PLCL2: variants seen among roughly 807,000 people sequenced by gnomAD.
The protein encoded by PLCL2 is phospholipase C like 2.
Under a neutral mutation model 79.6 loss-of-function variants are expected in PLCL2, and 4 were observed. The ratio of observed to expected loss-of-function variants is 0.05; its 90% CI spans 0.02 to 0.11. The LOEUF (loss-of-function observed/expected upper bound fraction) is 0.11, where lower values mean the gene tolerates loss of function less well. PLCL2 is among the 10% of genes least tolerant of loss of function. The pLI is 1.00. For synonymous variants in PLCL2, 484 were observed against 457.7 expected (o/e 1.06, Z -0.73); for missense variants, 895 against 1,291.0 (o/e 0.69, Z 4.70).
At chr3:17,057,154 A>G (rs776090554) in intron 4 of PLCL2, among the ~76,000 whole-genome samples, 9 of 152,168 alleles carry the variant, frequency 5.9e-5, no homozygotes, top group Non-Finnish European at 8.8e-5. Flanking sequence ...TAATTCATGC[A>G]ACACTAGTCA....
chr3:16,958,096 G>A (rs544664789), intron 1 of PLCL2, among the ~76,000 whole-genome samples: 330 of 152,232 alleles, frequency 2.2e-3, no homozygotes, highest in Non-Finnish European at 3.7e-3. Flanking sequence ...TATTGTGCTC[G>A]TTAGTTGATG....
chr3:17,083,034 C>T (rs1475525447), intron 5 of PLCL2, among the ~76,000 whole-genome samples: 3 of 152,036 alleles, frequency 2.0e-5, no homozygotes, highest in Non-Finnish European at 4.4e-5. Flanking sequence ...CTGTTCTAGG[C>T]TCTGAGGATA....
At chr3:17,080,746 C>T (rs984181507) in intron 5 of PLCL2, among the ~76,000 whole-genome samples, 9 of 152,336 alleles carry the variant, frequency 5.9e-5, no homozygotes, top group African/African-American at 2.2e-4. Flanking sequence ...CCACCACACC[C>T]GTTTCATTCT....
chr3:17,070,829 G>A (rs1453526349), intron 5 of PLCL2, among the ~76,000 whole-genome samples: 1 of 152,138 alleles, frequency 6.6e-6, no homozygotes, highest in Non-Finnish European at 1.5e-5. Context: ...GAGGCTCCCA[G>A]TAGCACAAAT....
At chr3:16,890,467 A>G (rs1696320014) in intron 1 of PLCL2, among the ~76,000 whole-genome samples, 2 of 152,240 alleles carry the variant, frequency 1.3e-5, no homozygotes, top group Admixed American at 1.3e-4. Flanking sequence ...CCAGGCTTCA[A>G]TATTCAACAA....
chr3:17,009,642 T>A lies in PLCL2; in HGVS notation c.328-32T>A. The A allele has an allele frequency of 8.7e-7, 1 of 1,143,264 alleles. No homozygotes were observed. Among genetic ancestry groups the A allele is most frequent in the Non-Finnish European group, 1.2e-6 (1 of 802,734 alleles). 70.8% of individuals were successfully genotyped at this position (1,143,264 alleles called of 1,614,324 possible). A position where few individuals can be genotyped will look rare whatever the true frequency, so the allele number is the denominator to read the frequency against. The stretch of plus-strand genomic sequence containing the variant: ...TGAACATAGAAACCTATATTTATGT[T>A]ATTCTAATATACGGTCTTTTTTTCC... On this transcript the variant is annotated intron_variant, in intron 1 of 5. Transcript: ENST00000615277. The surrounding 1 kb of genome is among the most constrained non-coding windows in gnomAD (Gnocchi z 4.0).
chr3:17,036,055 C>T lies in PLCL2; in HGVS notation c.3019-6819C>T, dbSNP rs370073583. ...AACCTAGGACAAGTTACTCTGGAAA[C>T]GGTTTGTTATTTAGAAAGTGTTTTC... is the stretch of plus-strand genomic sequence containing the variant. On this transcript the variant is annotated intron_variant, in intron 3 of 5. Coordinates refer to ENST00000615277, the MANE Select transcript of PLCL2 (RefSeq NM_001144382.2). Among the ~76,000 whole-genome samples the T allele has an allele frequency of 1.1e-4, 16 of 152,120 alleles. 1 individual carries two copies. In the East Asian group the frequency reaches 1.7e-3, roughly 17 times the overall value.
intron 3 of PLCL2, among the ~76,000 whole-genome samples, chr3:17,041,184 G>A (rs1390979182): frequency 1.3e-5 from 2 of 152,120 alleles, no homozygotes; most frequent in Admixed American, 6.6e-5. Flanking sequence ...TGTTCAATAC[G>A]TCAAGCTGTA....
chr3:17,025,876 C>G (rs149647585), intron 3 of PLCL2, among the ~76,000 whole-genome samples: 3 of 152,046 alleles, frequency 2.0e-5, no homozygotes, highest in Admixed American at 2.0e-4. Flanking sequence ...TCAGCATTGC[C>G]TCTCATTTTC....
At chr3:17,017,557 T>A (rs982710247) in intron 3 of PLCL2, among the ~76,000 whole-genome samples, 10 of 152,146 alleles carry the variant, frequency 6.6e-5, no homozygotes, top group Admixed American at 2.6e-4. Context: ...TAAATATAGC[T>A]CTTTATTTTT....
intron 1 of PLCL2, among the ~76,000 whole-genome samples, chr3:16,950,393 T>A (rs1249250920): frequency 1.3e-5 from 2 of 152,194 alleles, no homozygotes; most frequent in Non-Finnish European, 2.9e-5. Flanking sequence ...CTAAGTTTTT[T>A]AAATTGGTGT....
chr3:17,087,761 T>G (rs1369487554), intron 5 of PLCL2, among the ~76,000 whole-genome samples: 1 of 152,158 alleles, frequency 6.6e-6, no homozygotes, highest in Non-Finnish European at 1.5e-5. Context: ...GTAAGGGAAC[T>G]CTCTGTGGTT....
intron 1 of PLCL2, among the ~76,000 whole-genome samples, chr3:16,961,600 C>T (rs1423793283): frequency 1.3e-5 from 2 of 152,038 alleles, no homozygotes; most frequent in African/African-American, 4.8e-5. Flanking sequence ...GGAATGGGGT[C>T]CAGGGCACAG....
chr3:17,029,371 A>G (rs1276439920), intron 3 of PLCL2, among the ~76,000 whole-genome samples: 2 of 150,868 alleles, frequency 1.3e-5, no homozygotes, highest in African/African-American at 4.9e-5. Flanking sequence ...AAGAAAAAAA[A>G]AAACAACTGT....
intron 1 of PLCL2, among the ~76,000 whole-genome samples, chr3:16,891,080 G>A (rs768008325): frequency 7.2e-5 from 11 of 152,308 alleles, no homozygotes; most frequent in South Asian, 2.1e-4. Context: ...CAGCTGGGCT[G>A]CATCCTGTGG....
At chr3:16,903,848 C>T (rs1381301179) in intron 1 of PLCL2, among the ~76,000 whole-genome samples, 1 of 152,222 alleles carries the variant, frequency 6.6e-6, no homozygotes, top group Non-Finnish European at 1.5e-5. Flanking sequence ...AGGTTGCTGA[C>T]ATTTCTTCTA....
chr3:16,929,323 T>C (rs1697340786), intron 1 of PLCL2, among the ~76,000 whole-genome samples: 1 of 152,102 alleles, frequency 6.6e-6, no homozygotes, highest in Non-Finnish European at 1.5e-5. Context: ...TAGTGGACCA[T>C]TTTGACCTTC....
intron 1 of PLCL2, among the ~76,000 whole-genome samples, chr3:17,008,357 T>C (rs1297648132): frequency 6.6e-6 from 1 of 151,112 alleles, no homozygotes; most frequent in Non-Finnish European, 1.5e-5. Context: ...GGAATTCCCA[T>C]TTAACAGTTA....
intron 5 of PLCL2, among the ~76,000 whole-genome samples, chr3:17,082,187 C>A (rs6778725): frequency 0.83 from 120,060 of 145,044 alleles, 50,204 homozygotes; most frequent in African/African-American, 0.94. Flanking sequence ...CTTGTTGCCC[C>A]GGCTGGAGTG....
Sources: gnomAD v4.1 joint callset for allele counts (sites outside exome capture counted in the v4.1 genomes callset) on GRCh38, gnomAD v4.1.1 for gene constraint, Gnocchi (gnomAD v3.1) non-coding constraint, MANE v1.5 for transcripts, NCBI Gene and HGNC (gene_info 2026-07-23, HGNC 2026-07-21) for gene names.